The following SGCD variants were observed in gnomAD, a reference collection of about 807,000 sequenced individuals.
The protein encoded by SGCD is sarcoglycan delta.
In SGCD, 18 loss-of-function variants were observed where a neutral mutation model predicts 36.6. The ratio of observed to expected loss-of-function variants is 0.49; its 90% CI spans 0.34 to 0.73. The LOEUF (loss-of-function observed/expected upper bound fraction) is 0.73. SGCD is among the 30% of genes least tolerant of loss of function. The pLI is 0.01. For synonymous variants in SGCD, 133 were observed against 130.6 expected, an observed-to-expected ratio of 1.02 and a Z score of -0.12; for missense variants, 387 against 346.7, an observed-to-expected ratio of 1.12 and a Z score of -0.92.
intron 3 of SGCD, among the ~76,000 whole-genome samples, chr5:156,362,067 C>T (rs1769826016): frequency 6.6e-6 from 1 of 152,190 alleles, no homozygotes; most frequent in South Asian, 2.1e-4. Flanking sequence ...TTAGAGTAGG[C>T]TGTCTATGTG....
intron 1 of SGCD, among the ~76,000 whole-genome samples, chr5:156,117,368 G>C (rs555680022): frequency 6.6e-6 from 1 of 152,112 alleles, no homozygotes; most frequent in Admixed American, 6.5e-5. Context: ...CCTTGAGGAG[G>C]TTTTACTTAA....
intron 4 of SGCD, among the ~76,000 whole-genome samples, chr5:156,523,325 G>A (rs976017619): frequency 4.6e-5 from 7 of 152,166 alleles, no homozygotes; most frequent in African/African-American, 1.7e-4. Context: ...TGAAATGCAT[G>A]TTGAACTCAT....
At chr5:156,119,151 C>T (rs1761974531) in intron 2 of SGCD, among the ~76,000 whole-genome samples, 1 of 152,108 alleles carries the variant, frequency 6.6e-6, no homozygotes, top group South Asian at 2.1e-4. Context: ...CTTTACTATT[C>T]TCAGCAGAGA....
At chr5:156,437,152 G>A (rs769766558) in intron 3 of SGCD, among the ~76,000 whole-genome samples, 4 of 152,056 alleles carry the variant, frequency 2.6e-5, no homozygotes, top group African/African-American at 4.8e-5. Flanking sequence ...TGTGTTTGAT[G>A]TGCTAGTTTT....
chr5:156,569,100 A>G (rs1446158071), intron 4 of SGCD, among the ~76,000 whole-genome samples: 2 of 151,676 alleles, frequency 1.3e-5, no homozygotes, highest in African/African-American at 4.8e-5. Flanking sequence ...CCCCTCTTCT[A>G]GGTACCACAG....
chr5:156,249,964 G>T (rs1424427655), intron 3 of SGCD, among the ~76,000 whole-genome samples: 3 of 152,164 alleles, frequency 2.0e-5, no homozygotes, highest in Non-Finnish European at 4.4e-5. Context: ...TGGGCCATGT[G>T]CCCATACAGG....
intron 1 of SGCD, among the ~76,000 whole-genome samples, chr5:155,871,572 GC>G (rs907794433): frequency 2.6e-5 from 4 of 152,250 alleles, no homozygotes; most frequent in African/African-American, 9.6e-5. Flanking sequence ...GTGCTAGGGA[GC>G]AAAATGTCCT....
chr5:156,302,462 T>C (rs1001574651), intron 3 of SGCD, among the ~76,000 whole-genome samples: 4 of 152,076 alleles, frequency 2.6e-5, no homozygotes, highest in African/African-American at 9.7e-5. Context: ...GGAAGGTATT[T>C]TTGTATTCTC....
intron 1 of SGCD, among the ~76,000 whole-genome samples, chr5:156,069,044 T>C (rs1760442030): frequency 6.6e-6 from 1 of 152,150 alleles, no homozygotes; most frequent in African/African-American, 2.4e-5. Context: ...GATGAGTAGA[T>C]TGCAAAAATT....
chr5:155,742,286 T>G, the SGCD span, among the ~76,000 whole-genome samples: 1 of 152,238 alleles, frequency 6.6e-6, no homozygotes, highest in African/African-American at 2.4e-5. Context: ...AAAAATTCTA[T>G]TTTTAATTCA....
the SGCD span, among the ~76,000 whole-genome samples, chr5:155,796,712 A>AG: frequency 2.0e-5 from 3 of 147,302 alleles, no homozygotes. Context: ...AGGCTGAGGC[A>AG]GGGGAATCGC....
At chr5:156,542,130 C>T (rs1758371046) in intron 4 of SGCD, among the ~76,000 whole-genome samples, 1 of 151,800 alleles carries the variant, frequency 6.6e-6, no homozygotes, top group African/African-American at 2.4e-5. Context: ...AGTAGACAGG[C>T]AAAGTTAGGG....
intron 3 of SGCD, among the ~76,000 whole-genome samples, chr5:156,242,648 C>A (rs1438758479): frequency 1.3e-5 from 2 of 151,766 alleles, no homozygotes; most frequent in Non-Finnish European, 2.9e-5. Context: ...GTGAGTGAAT[C>A]TACTTTTTAA....
intron 3 of SGCD, among the ~76,000 whole-genome samples, chr5:156,235,327 T>C (rs546754799): frequency 1.3e-5 from 2 of 152,332 alleles, no homozygotes; most frequent in East Asian, 1.9e-4. Context: ...GACTTTGGGA[T>C]AATTTATATC....
At chr5:156,682,326 A>G (rs946227538) in intron 7 of SGCD, among the ~76,000 whole-genome samples, 1 of 152,236 alleles carries the variant, frequency 6.6e-6, no homozygotes, top group Admixed American at 6.5e-5. Context: ...TTCACATAGG[A>G]TGTTATGGGC....
intron 1 of SGCD, among the ~76,000 whole-genome samples, chr5:155,999,724 T>A (rs1758625425): frequency 6.6e-6 from 1 of 152,248 alleles, no homozygotes; most frequent in Non-Finnish European, 1.5e-5. Flanking sequence ...TCCTTCTAGA[T>A]ACTCACCCTG....
intron 3 of SGCD, among the ~76,000 whole-genome samples, chr5:156,223,839 G>A (rs1387508741): frequency 1.3e-5 from 2 of 151,958 alleles, no homozygotes; most frequent in Non-Finnish European, 2.9e-5. Context: ...ATAAGCAAGG[G>A]CAACCATGAA....
chr5:155,972,304 A>T (rs1291215451), intron 1 of SGCD, among the ~76,000 whole-genome samples: 1 of 152,182 alleles, frequency 6.6e-6, no homozygotes, highest in Admixed American at 6.5e-5. Flanking sequence ...ATATTCTTTC[A>T]GGCATTTTTA....
chr5:155,745,556 AT>A, the SGCD span, among the ~76,000 whole-genome samples: 3 of 151,922 alleles, frequency 2.0e-5, no homozygotes, highest in Non-Finnish European at 2.9e-5. Context: ...TTTATTTAAT[AT>A]TTTTTTCTTC....
Sources: allele counts gnomAD v4.1 joint callset (sites outside exome capture counted in the v4.1 genomes callset), GRCh38; gene constraint gnomAD v4.1.1; transcripts MANE v1.5; gene names NCBI Gene and HGNC (gene_info 2026-07-23, HGNC 2026-07-21).